The following HERC2 variants were observed in gnomAD, a reference collection of about 807,000 sequenced individuals.
The protein encoded by HERC2 is E3 ubiquitin-protein ligase HERC2.
Under a neutral mutation model 537.7 loss-of-function variants are expected in HERC2, and 102 were observed. The ratio of observed to expected loss-of-function variants is 0.19; its 90% CI spans 0.16 to 0.22. The LOEUF (loss-of-function observed/expected upper bound fraction) is 0.22, where lower values mean the gene tolerates loss of function less well. HERC2 is among the 10% of genes least tolerant of loss of function. The pLI is 1.00. For missense variants in HERC2, 4,236 were observed against 6,198.2 expected (o/e 0.68, Z 10.63); for synonymous variants, 2,224 against 2,466.2 (o/e 0.90, Z 2.91).
Position 28,179,242 on chromosome 15 carries a change from AAC to A in HERC2, c.8938-21_8938-20del. 1 of 1,551,394 alleles carries A rather than the reference AAC, an allele frequency of 6.4e-7. No individual in the cohort carries two copies. Among genetic ancestry groups the A allele is most frequent in the Non-Finnish European group, 8.7e-7 (1 of 1,145,980 alleles). ...CCTTTATCTACAACAGAATTTTTTT[AAC>A]AAAAAAAAAAGAAAAGAAAATTTTA... On this transcript the variant is annotated intron_variant, in intron 57 of 92. Transcript: ENST00000261609.
chr15:28,270,833 G>GA lies in HERC2; in HGVS notation c.1118dup (p.Leu374ProfsTer15). ...CTTGTGGAAGGGTGAGGTACCTCAG[G>GA]AAACTCTCATTGGGGCTCAGAGGGC... On this transcript the variant is annotated frameshift_variant, in exon 10 of 93. Transcript: ENST00000261609. LOFTEE classifies it high-confidence loss of function. The GA allele has an allele frequency of 6.2e-7, 1 of 1,613,890 alleles. No homozygotes were observed. The highest frequency in any genetic ancestry group is 8.5e-7 in the Non-Finnish European group (1 of 1,179,858).
intron 4 of HERC2, among the ~76,000 whole-genome samples, chr15:28,290,981 A>G (rs1397830439): frequency 4.6e-5 from 7 of 152,208 alleles, no homozygotes; most frequent in Admixed American, 6.5e-5. Flanking sequence ...AGCAGAAATC[A>G]ATGAAAAAGA....
At chr15:28,210,829 A>G (rs556405364) in intron 44 of HERC2, among the ~76,000 whole-genome samples, 173 bp downstream of exon 44, 3 of 152,272 alleles carry the variant, frequency 2.0e-5, no homozygotes, top group South Asian at 4.2e-4. Flanking sequence ...GTCTTGTCTT[A>G]TAAGATGACG....
chr15:28,298,186 C>T (rs2141185941), intron 3 of HERC2, among the ~76,000 whole-genome samples: 1 of 148,272 alleles, frequency 6.7e-6, no homozygotes, highest in East Asian at 2.0e-4. Context: ...TGGAGTCTCA[C>T]TCTGTCACCC....
At chr15:28,314,344 T>C (rs368332334) in intron 2 of HERC2, among the ~76,000 whole-genome samples, 1 of 152,260 alleles carries the variant, frequency 6.6e-6, no homozygotes, top group South Asian at 2.1e-4. Flanking sequence ...GCTCAGCAGA[T>C]GTCAGCTCGG....
chr15:28,209,407 G>C (rs1020902036), intron 44 of HERC2, among the ~76,000 whole-genome samples: 2 of 151,390 alleles, frequency 1.3e-5, no homozygotes, highest in Admixed American at 1.3e-4. Flanking sequence ...GCAGTGACAC[G>C]ATCTCGCCTC....
chr15:28,119,591 C>G (rs1335857555), intron 86 of HERC2, among the ~76,000 whole-genome samples: 1 of 151,658 alleles, frequency 6.6e-6, no homozygotes, highest in Non-Finnish European at 1.5e-5. Flanking sequence ...GTAGCTGGGA[C>G]TACAGGCACC....
intron 4 of HERC2, 47 bp downstream of exon 4, chr15:28,292,841 G>T (rs1301511986): frequency 6.4e-7 from 1 of 1,574,020 alleles, no homozygotes; most frequent in African/African-American, 1.4e-5. Context: ...ATTTAGAAAG[G>T]GAGCGTCAGA....
intron 9 of HERC2, 75 bp from the exon 10 acceptor site, chr15:28,270,943 G>A (rs1175998906): frequency 1.6e-5 from 21 of 1,280,724 alleles, no homozygotes; most frequent in East Asian, 2.5e-5. Context: ...CTTTACCCAC[G>A]CTTTATATTT....
intron 55 of HERC2, chr15:28,190,701 CTT>C (rs1385941429): frequency 1.6e-5 from 8 of 509,564 alleles, no homozygotes; most frequent in Admixed American, 7.1e-5. Context: ...CTGATGAAAA[CTT>C]TTGCTAGGAG....
chr15:28,245,223 G>T (rs1221552426), intron 23 of HERC2, among the ~76,000 whole-genome samples: 1 of 152,084 alleles, frequency 6.6e-6, no homozygotes, highest in African/African-American at 2.4e-5. Context: ...ACTTAACAAG[G>T]ATTACTAATG....
At chr15:28,191,596 G>A (rs7161787) in intron 53 of HERC2, among the ~76,000 whole-genome samples, 19,380 of 152,126 alleles carry the variant, frequency 0.13, 4,158 homozygotes, top group African/African-American at 0.44. Flanking sequence ...ACGCGTTGGT[G>A]TAATCACAAC....
intron 4 of HERC2, among the ~76,000 whole-genome samples, chr15:28,288,779 G>A (rs2525959): frequency 6.6e-6 from 1 of 151,138 alleles, no homozygotes; most frequent in Admixed American, 6.6e-5. Context: ...ACCCACGTGG[G>A]GGAGGTTGCA....
intron 20 of HERC2, among the ~76,000 whole-genome samples, chr15:28,254,105 G>T (rs1345090473): frequency 1.3e-5 from 2 of 152,124 alleles, no homozygotes; most frequent in Non-Finnish European, 2.9e-5. Flanking sequence ...CCACCATGAA[G>T]AAACCCCGTC....
intron 79 of HERC2, among the ~76,000 whole-genome samples, chr15:28,134,875 A>G (rs6497278): frequency 0.97 from 146,711 of 151,940 alleles, 70,950 homozygotes; most frequent in Non-Finnish European, 0.99. Context: ...GTTTCATCAT[A>G]TTGCCCAGGC....
intron 20 of HERC2, among the ~76,000 whole-genome samples, chr15:28,249,013 A>AAAG (rs1366707581): frequency 6.6e-6 from 1 of 152,240 alleles, no homozygotes; most frequent in East Asian, 1.9e-4. Flanking sequence ...TCCAAACTGC[A>AAAG]GAAGATCTTG....
At chr15:28,284,106 A>C (rs2076093035) in intron 4 of HERC2, among the ~76,000 whole-genome samples, 1 of 152,200 alleles carries the variant, frequency 6.6e-6, no homozygotes, top group Non-Finnish European at 1.5e-5. Context: ...TTATGAATGG[A>C]ATTTTCAATT....
intron 16 of HERC2, among the ~76,000 whole-genome samples, chr15:28,258,244 G>A (rs1462825072): frequency 6.6e-6 from 1 of 151,970 alleles, no homozygotes; most frequent in African/African-American, 2.4e-5. Flanking sequence ...CCAAGGCGGC[G>A]GGGATCACCT....
At chr15:28,137,477 T>A (rs1300133158) in intron 78 of HERC2, among the ~76,000 whole-genome samples, 1 of 152,250 alleles carries the variant, frequency 6.6e-6, no homozygotes, top group East Asian at 1.9e-4. Flanking sequence ...TTACCGTCGC[T>A]ATGTCACGTT....
Sources: gnomAD v4.1 joint callset for allele counts (sites outside exome capture counted in the v4.1 genomes callset) on GRCh38, gnomAD v4.1.1 for gene constraint, MANE v1.5 for transcripts, NCBI Gene and HGNC (gene_info 2026-07-23, HGNC 2026-07-21) for gene names.